The following FAM120B variants were observed in gnomAD, a reference collection of about 807,000 sequenced individuals.
FAM120B encodes the protein constitutive coactivator of peroxisome proliferator-activated receptor gamma.
FAM120B carries 83 observed loss-of-function variants against 96.3 expected under a neutral mutation model. The observed-to-expected ratio is 0.86, with a 90% CI of 0.72 to 1.03. FAM120B has a LOEUF of 1.03. Ranked by LOEUF, FAM120B falls within the 50% of genes least tolerant of loss-of-function variation. FAM120B has a pLI of 0.00. For missense variants in FAM120B, 1,027 were observed against 1,121.2 expected (o/e 0.92, Z 1.20); for synonymous variants, 407 against 402.7 (o/e 1.01, Z -0.13).
At chr6:170,339,565 G>T (rs1338570936) in intron 4 of FAM120B, among the ~76,000 whole-genome samples, 1 of 152,034 alleles carries the variant, frequency 6.6e-6, no homozygotes, top group Non-Finnish European at 1.5e-5. Flanking sequence ...GGATCATGAA[G>T]TTGGGAGATT....
intron 4 of FAM120B, among the ~76,000 whole-genome samples, chr6:170,333,162 G>GC (rs916246019): frequency 3.3e-4 from 20 of 61,514 alleles, no homozygotes; most frequent in Admixed American, 4.8e-4. Context: ...CCACCCCACC[G>GC]CCCCCCCGCC....
intron 5 of FAM120B, among the ~76,000 whole-genome samples, chr6:170,348,984 C>T (rs757985587): frequency 2.7e-4 from 41 of 152,142 alleles, no homozygotes; most frequent in Non-Finnish European, 5.6e-4. Flanking sequence ...GTTTCTTTTG[C>T]ATTAGCTTTA....
At chr6:170,336,030 G>T (rs1195985660) in intron 4 of FAM120B, among the ~76,000 whole-genome samples, 1 of 152,154 alleles carries the variant, frequency 6.6e-6, no homozygotes, top group East Asian at 1.9e-4. Context: ...TTCTTTTGCA[G>T]TGCAGAAGCT....
In FAM120B at chr6:170,400,423, C is replaced by G. The variant is rs1436654193; in HGVS notation, c.2693-4127C>G. Among the ~76,000 whole-genome samples the G allele has an allele frequency of 6.6e-5, 10 of 152,128 alleles. No homozygotes were observed. The South Asian group carries it at 1.4e-3, about 22-fold the overall frequency. The stretch of plus-strand genomic sequence containing the variant: ...ACTCCTCTGGGAATGATAAGAGTCA[C>G]AGGCTTTTCTTTATTTCTTTCATTT... On this transcript the variant is annotated intron_variant, in intron 9 of 10. Coordinates refer to ENST00000476287, the MANE Select transcript of FAM120B (RefSeq NM_032448.3).
intron 6 of FAM120B, among the ~76,000 whole-genome samples, chr6:170,383,668 G>A (rs1043814880): frequency 3.3e-5 from 5 of 152,212 alleles, no homozygotes; most frequent in African/African-American, 1.2e-4. Flanking sequence ...TGGCGAGGAT[G>A]CAGTCCTTAT....
chr6:170,292,768 T>C (rs1226393925), upstream of FAM120B, among the ~76,000 whole-genome samples: 4 of 152,380 alleles, frequency 2.6e-5, no homozygotes, highest in Non-Finnish European at 4.4e-5. The surrounding 1 kb of genome is among the most constrained non-coding windows in gnomAD (Gnocchi z 6.6). Flanking sequence ...ACCCAGCCTG[T>C]GTCCTGCTAC....
chr6:170,306,956 TC>T (rs1784320489), intron 1 of FAM120B, 114 bp downstream of exon 1: 1 of 152,230 alleles, frequency 6.6e-6, no homozygotes, highest in South Asian at 2.1e-4. Flanking sequence ...TTCTGCCCGG[TC>T]CCGATGCCTT....
intron 6 of FAM120B, among the ~76,000 whole-genome samples, chr6:170,359,393 C>CAA (rs138695435): frequency 2.1e-3 from 282 of 135,630 alleles, no homozygotes; most frequent in African/African-American, 7.4e-3. Flanking sequence ...AACTCTGTCT[C>CAA]AAAAAAAAAA....
At chr6:170,298,774 C>T (rs555753355) in intron 1 of FAM120B, among the ~76,000 whole-genome samples, 6 of 152,174 alleles carry the variant, frequency 3.9e-5, no homozygotes, top group South Asian at 2.1e-4. Flanking sequence ...TTGCAGGTTG[C>T]GAAGGTCCCA....
chr6:170,304,804 C>T (rs1784222455), upstream of FAM120B, among the ~76,000 whole-genome samples: 1 of 152,152 alleles, frequency 6.6e-6, no homozygotes, highest in South Asian at 2.1e-4. Flanking sequence ...AGATCCTACT[C>T]CTCCTTCCAG....
intron 5 of FAM120B, among the ~76,000 whole-genome samples, chr6:170,349,253 C>A (rs1353939601): frequency 3.9e-5 from 6 of 152,216 alleles, no homozygotes. Flanking sequence ...TTTCTTCACT[C>A]CTTCAAGCCA....
intron 4 of FAM120B, among the ~76,000 whole-genome samples, chr6:170,339,945 G>A (rs1786706565): frequency 6.6e-6 from 1 of 152,058 alleles, no homozygotes; most frequent in Non-Finnish European, 1.5e-5. Flanking sequence ...TTCAACCTTG[G>A]AGAATCTGAC....
At chr6:170,315,443 C>G (rs1784844758) in intron 1 of FAM120B, among the ~76,000 whole-genome samples, 1 of 152,130 alleles carries the variant, frequency 6.6e-6, no homozygotes, top group South Asian at 2.1e-4. Context: ...AGAGTGTAAC[C>G]TTCCTGGACA....
chr6:170,369,526 G>A (rs141480368), intron 6 of FAM120B, among the ~76,000 whole-genome samples: 222 of 152,282 alleles, frequency 1.5e-3, no homozygotes, highest in Non-Finnish European at 2.1e-3. Context: ...AGAGAATTCC[G>A]AGTCCAGTTT....
At chr6:170,290,908 G>A, upstream of FAM120B, 1 of 695,134 alleles carries the variant, frequency 1.4e-6, no homozygotes, top group Non-Finnish European at 2.6e-6. The surrounding 1 kb of genome is among the most constrained non-coding windows in gnomAD (Gnocchi z 4.7). Context: ...TCGGGTCTCC[G>A]CGGGTGCGCG....
intron 1 of FAM120B, among the ~76,000 whole-genome samples, chr6:170,312,418 T>C (rs1784644692): frequency 6.6e-6 from 1 of 152,196 alleles, no homozygotes; most frequent in East Asian, 1.9e-4. Flanking sequence ...CTTTAGGCAA[T>C]TGATAAACAT....
At chr6:170,356,013 G>T (rs1037032654) in intron 5 of FAM120B, among the ~76,000 whole-genome samples, 1 of 152,158 alleles carries the variant, frequency 6.6e-6, no homozygotes, top group Non-Finnish European at 1.5e-5. Flanking sequence ...TATGAACGAT[G>T]CTTGCTGATC....
chr6:170,313,969 T>G (rs1053759946), intron 1 of FAM120B, among the ~76,000 whole-genome samples: 1 of 152,228 alleles, frequency 6.6e-6, no homozygotes, highest in African/African-American at 2.4e-5. Flanking sequence ...TTCCTCACTG[T>G]GTGTGCGTCC....
intron 1 of FAM120B, among the ~76,000 whole-genome samples, chr6:170,298,888 G>A (rs1215004960): frequency 6.6e-6 from 1 of 152,170 alleles, no homozygotes; most frequent in Non-Finnish European, 1.5e-5. Context: ...CACTCTCCAG[G>A]CAGAGGGGAA....
Sources: gnomAD v4.1 joint callset for allele counts (sites outside exome capture counted in the v4.1 genomes callset) on GRCh38, gnomAD v4.1.1 for gene constraint, Gnocchi (gnomAD v3.1) non-coding constraint, MANE v1.5 for transcripts, NCBI Gene and HGNC (gene_info 2026-07-23, HGNC 2026-07-21) for gene names.